Variants in NEK11 observed in about 807,000 individuals in gnomAD.
The protein encoded by NEK11 is NIMA related kinase 11, also known as serine/threonine-protein kinase Nek11.
In NEK11, 72 loss-of-function variants were observed where a neutral mutation model predicts 80.7. The observed-to-expected ratio is 0.89, with a 90% CI of 0.74 to 1.08. The LOEUF (loss-of-function observed/expected upper bound fraction) is 1.08. NEK11 is among the 50% of genes least tolerant of loss of function. The pLI, the probability that NEK11 is intolerant of heterozygous loss-of-function variation, is 0.00. For missense variants in NEK11, 764 were observed against 763.6 expected (o/e 1.00, Z -0.01); for synonymous variants, 251 against 260.7 (o/e 0.96, Z 0.36).
At chr3:131,117,737 C>A (rs1158842583) in intron 5 of NEK11, among the ~76,000 whole-genome samples, 1 of 152,084 alleles carries the variant, frequency 6.6e-6, no homozygotes, top group Non-Finnish European at 1.5e-5. Flanking sequence ...CTCTTTGAAG[C>A]AATTGTGAAT....
At chr3:131,275,857 G>A (rs751710569) in intron 17 of NEK11, among the ~76,000 whole-genome samples, 81 of 152,326 alleles carry the variant, frequency 5.3e-4, no homozygotes, top group Non-Finnish European at 9.0e-4. Flanking sequence ...TTATAATGTA[G>A]AGAAAACACA....
intron 10 of NEK11, among the ~76,000 whole-genome samples, chr3:131,160,280 T>C (rs1453188820): frequency 2.0e-5 from 3 of 152,210 alleles, no homozygotes; most frequent in South Asian, 4.1e-4. Context: ...ACATTCAACA[T>C]TCTTAAAGAA....
intron 17 of NEK11, chr3:131,325,105 G>A (rs1020079069): frequency 2.6e-5 from 4 of 152,170 alleles, no homozygotes; most frequent in African/African-American, 9.7e-5. Context: ...ATGCAAGAAT[G>A]TTCCAGCAGA....
intron 14 of NEK11, among the ~76,000 whole-genome samples, chr3:131,176,645 T>C (rs1265863326): frequency 6.6e-6 from 1 of 152,184 alleles, no homozygotes; most frequent in Non-Finnish European, 1.5e-5. Flanking sequence ...TCAAAGATTA[T>C]ATCCAATTTG....
intron 17 of NEK11, among the ~76,000 whole-genome samples, chr3:131,304,006 C>G (rs748229525): frequency 2.6e-5 from 4 of 152,188 alleles, no homozygotes; most frequent in Admixed American, 1.3e-4. Context: ...TAGATTTGGT[C>G]TCTTTACATA....
chr3:131,262,742 C>T (rs745574671), intron 16 of NEK11, among the ~76,000 whole-genome samples: 17 of 152,096 alleles, frequency 1.1e-4, no homozygotes, highest in Non-Finnish European at 2.2e-4. Flanking sequence ...TATACACATG[C>T]CATGGTGGTT....
At chr3:131,148,406 G>A (rs996380385) in intron 7 of NEK11, among the ~76,000 whole-genome samples, 6 of 151,938 alleles carry the variant, frequency 3.9e-5, no homozygotes, top group Admixed American at 1.3e-4. Flanking sequence ...GGTTGAGTAA[G>A]ATTATTGTTA....
At chr3:131,260,306 C>G (rs2095893166) in intron 16 of NEK11, among the ~76,000 whole-genome samples, 1 of 152,102 alleles carries the variant, frequency 6.6e-6, no homozygotes, top group Admixed American at 6.6e-5. Context: ...GGCTCTGCCC[C>G]TTTCTATGAC....
chr3:131,114,667 C>T (rs1017339143), intron 5 of NEK11, among the ~76,000 whole-genome samples: 6 of 152,164 alleles, frequency 3.9e-5, no homozygotes, highest in Admixed American at 1.3e-4. Context: ...GCCTCTTCCT[C>T]CCAAAGGGAC....
intron 17 of NEK11, among the ~76,000 whole-genome samples, chr3:131,307,614 T>C (rs1254205014): frequency 1.3e-5 from 2 of 152,094 alleles, no homozygotes; most frequent in Admixed American, 1.3e-4. Context: ...CTGACCATAG[T>C]TGTTGTGTGA....
At chr3:131,214,798 A>G (rs2094763809) in intron 14 of NEK11, among the ~76,000 whole-genome samples, 2 of 151,818 alleles carry the variant, frequency 1.3e-5, no homozygotes, top group Admixed American at 1.3e-4. Context: ...TTACAGCAGA[A>G]CCTGCTGTCC....
At chr3:131,106,249 G>A (rs1434839400) in intron 4 of NEK11, among the ~76,000 whole-genome samples, 4 of 148,166 alleles carry the variant, frequency 2.7e-5, no homozygotes, top group African/African-American at 9.9e-5. Context: ...GTAAGAAACT[G>A]TAGAGGAAAC....
intron 4 of NEK11, among the ~76,000 whole-genome samples, chr3:131,084,642 TA>T (rs1403642714): frequency 2.0e-5 from 3 of 152,124 alleles, no homozygotes; most frequent in Non-Finnish European, 4.4e-5. Flanking sequence ...GAACATATGA[TA>T]GGGAAAAAGG....
chr3:131,068,761 T>C (rs1309175673), intron 3 of NEK11, among the ~76,000 whole-genome samples: 1 of 152,216 alleles, frequency 6.6e-6, no homozygotes, highest in Non-Finnish European at 1.5e-5. Context: ...GATTCTCCTT[T>C]GATCTGTCTT....
At chr3:131,237,932 C>T (rs1296720656) in intron 15 of NEK11, among the ~76,000 whole-genome samples, 1 of 152,174 alleles carries the variant, frequency 6.6e-6, no homozygotes. Flanking sequence ...TTACTGGTCT[C>T]CTACTAACCC....
chr3:131,177,764 T>C (rs905145672), intron 14 of NEK11, among the ~76,000 whole-genome samples: 4 of 152,190 alleles, frequency 2.6e-5, no homozygotes, highest in African/African-American at 9.6e-5. Flanking sequence ...GAATAGTAAG[T>C]AGTTATATTA....
chr3:131,115,349 C>T (rs544638669), intron 5 of NEK11, among the ~76,000 whole-genome samples: 1 of 152,194 alleles, frequency 6.6e-6, no homozygotes, highest in African/African-American at 2.4e-5. Context: ...GACTTCTCAG[C>T]CTCCCTAATT....
At chr3:131,140,033 C>A (rs1324143146) in intron 7 of NEK11, among the ~76,000 whole-genome samples, 1 of 152,150 alleles carries the variant, frequency 6.6e-6, no homozygotes, top group Non-Finnish European at 1.5e-5. Flanking sequence ...CAAAAATGGC[C>A]ATCATAACAT....
intron 17 of NEK11, among the ~76,000 whole-genome samples, chr3:131,289,992 C>G (rs536776809): frequency 1.3e-5 from 2 of 152,292 alleles, no homozygotes; most frequent in South Asian, 4.1e-4. Context: ...TTCTTGACAC[C>G]AGCAGTTAAA....
Sources: allele counts gnomAD v4.1 joint callset (sites outside exome capture counted in the v4.1 genomes callset), GRCh38; gene constraint gnomAD v4.1.1; transcripts MANE v1.5; gene names NCBI Gene and HGNC (gene_info 2026-07-23, HGNC 2026-07-21).